The following SLC9A9 variants were observed in gnomAD, a reference collection of about 807,000 sequenced individuals.
SLC9A9 encodes the protein solute carrier family 9 member A9.
SLC9A9 carries 62 observed loss-of-function variants against 77.8 expected under a neutral mutation model. That is an observed-to-expected ratio of 0.80 (90% CI 0.65 to 0.98). The LOEUF is 0.98. Among genes scored for constraint, SLC9A9 ranks in the 50% least tolerant of loss-of-function variants. The pLI is 0.00. For missense variants in SLC9A9, 775 were observed against 774.9 expected (o/e 1.00, Z 0.00); for synonymous variants, 320 against 283.5 (o/e 1.13, Z -1.29).
At chr3:143,762,965 G>A (rs1469131394) in intron 4 of SLC9A9, among the ~76,000 whole-genome samples, 5 of 152,164 alleles carry the variant, frequency 3.3e-5, no homozygotes, top group Non-Finnish European at 5.9e-5. Flanking sequence ...ATTGGGAGGG[G>A]AACTTCTGGT....
chr3:143,367,368 T>G (rs1159552095), intron 13 of SLC9A9, among the ~76,000 whole-genome samples: 1 of 152,170 alleles, frequency 6.6e-6, no homozygotes, highest in Non-Finnish European at 1.5e-5. Flanking sequence ...GTGGGGAAAA[T>G]ACCACTGATG....
intron 2 of SLC9A9, among the ~76,000 whole-genome samples, chr3:143,797,816 C>A (rs2008430173): frequency 6.6e-6 from 1 of 152,064 alleles, no homozygotes; most frequent in African/African-American, 2.4e-5. Context: ...TATAAAATGT[C>A]CCCACCCATA....
chr3:143,749,830 T>C lies in SLC9A9; in HGVS notation c.533+45171A>G, dbSNP rs115965963. On this transcript the variant is annotated intron_variant, in intron 4 of 15. Transcript: ENST00000316549. ...GGAAATCTTTGTACACACTGAAGTT[T>C]GAGAACTGCGGGCTAGACTAAAATC... Among the ~76,000 whole-genome samples, 1,100 of 152,310 alleles carry C rather than the reference T, an allele frequency of 7.2e-3. 8 individuals are homozygous for C. The highest frequency in any genetic ancestry group is 0.025 in the African/African-American group (1,033 of 41,566).
At chr3:143,818,414 C>A (rs1363421529) in intron 2 of SLC9A9, among the ~76,000 whole-genome samples, 3 of 152,060 alleles carry the variant, frequency 2.0e-5, no homozygotes, top group African/African-American at 7.2e-5. Context: ...TCAAATTATT[C>A]TCTTACCTCA....
chr3:143,708,325 G>A (rs1193407743), intron 4 of SLC9A9, among the ~76,000 whole-genome samples: 1 of 152,134 alleles, frequency 6.6e-6, no homozygotes, highest in Non-Finnish European at 1.5e-5. Context: ...AGAAGAATGA[G>A]AGGAGCAATG....
At chr3:143,637,355 A>C (rs1225672663) in intron 6 of SLC9A9, among the ~76,000 whole-genome samples, 2 of 152,238 alleles carry the variant, frequency 1.3e-5, no homozygotes, top group Non-Finnish European at 2.9e-5. Context: ...GAAAGCTTTA[A>C]CAATAGATTA....
At chr3:143,289,025 T>C (rs952547206) in intron 14 of SLC9A9, among the ~76,000 whole-genome samples, 1 of 152,202 alleles carries the variant, frequency 6.6e-6, no homozygotes, top group Admixed American at 6.5e-5. Flanking sequence ...CTTAGGGAGC[T>C]TGTGAATGAC....
intron 12 of SLC9A9, among the ~76,000 whole-genome samples, chr3:143,414,124 C>T (rs1269751848): frequency 6.6e-6 from 1 of 152,086 alleles, no homozygotes; most frequent in Non-Finnish European, 1.5e-5. Context: ...AATTGCATTT[C>T]AATTCCTCTT....
At chr3:143,757,799 CTCTT>C (rs1369092699) in intron 4 of SLC9A9, among the ~76,000 whole-genome samples, 2 of 152,022 alleles carry the variant, frequency 1.3e-5, no homozygotes, top group African/African-American at 2.4e-5. Context: ...TATTACCTGA[CTCTT>C]TCCTTTGTCT....
intron 4 of SLC9A9, among the ~76,000 whole-genome samples, chr3:143,767,390 G>GTGTT (rs2007358878): frequency 6.6e-6 from 1 of 151,674 alleles, no homozygotes; most frequent in Non-Finnish European, 1.5e-5. Context: ...GTGTGTGTGT[G>GTGTT]TGTGTGTGTG....
chr3:143,814,837 G>A (rs1299383070), intron 2 of SLC9A9, among the ~76,000 whole-genome samples: 1 of 152,122 alleles, frequency 6.6e-6, no homozygotes, highest in African/African-American at 2.4e-5. Context: ...TCATAATTAG[G>A]AAGTGGTTTT....
chr3:143,349,154 T>C (rs2032382918), intron 14 of SLC9A9, among the ~76,000 whole-genome samples: 1 of 152,222 alleles, frequency 6.6e-6, no homozygotes, highest in Non-Finnish European at 1.5e-5. Flanking sequence ...AGCAGTCCCA[T>C]CTTTGCCTGT....
At chr3:143,481,597 C>A (rs1023406999) in intron 11 of SLC9A9, among the ~76,000 whole-genome samples, 3 of 152,138 alleles carry the variant, frequency 2.0e-5, no homozygotes, top group Non-Finnish European at 4.4e-5. Context: ...AGAAGAAAAA[C>A]CATGAATTGA....
chr3:143,633,458 T>C (rs1481707358), intron 6 of SLC9A9, among the ~76,000 whole-genome samples: 1 of 152,026 alleles, frequency 6.6e-6, no homozygotes, highest in Non-Finnish European at 1.5e-5. Context: ...GTCTTAGAGG[T>C]TTTTTCAGGC....
intron 4 of SLC9A9, among the ~76,000 whole-genome samples, chr3:143,777,408 A>G (rs2007726413): frequency 6.6e-6 from 1 of 152,206 alleles, no homozygotes; most frequent in Non-Finnish European, 1.5e-5. Flanking sequence ...AGAGAAAAAA[A>G]TGCCATTCCT....
At chr3:143,324,530 A>G (rs933799596) in intron 14 of SLC9A9, among the ~76,000 whole-genome samples, 13 of 152,228 alleles carry the variant, frequency 8.5e-5, no homozygotes, top group African/African-American at 3.1e-4. Flanking sequence ...CTCAGTAAAT[A>G]GTAGCTGCTG....
chr3:143,345,285 C>A (rs776889086), intron 14 of SLC9A9, among the ~76,000 whole-genome samples: 9 of 152,064 alleles, frequency 5.9e-5, no homozygotes, highest in African/African-American at 1.9e-4. Context: ...TTGGATAGAA[C>A]CTTTATTAAT....
At chr3:143,738,981 T>G (rs955807131) in intron 4 of SLC9A9, among the ~76,000 whole-genome samples, 2 of 152,150 alleles carry the variant, frequency 1.3e-5, no homozygotes, top group African/African-American at 4.8e-5. Flanking sequence ...GGAGTTTTTA[T>G]GGAGTCTCCA....
intron 2 of SLC9A9, among the ~76,000 whole-genome samples, chr3:143,814,926 A>C (rs1272135479): frequency 6.6e-6 from 1 of 152,158 alleles, no homozygotes; most frequent in Non-Finnish European, 1.5e-5. Context: ...AGGTAGGAAC[A>C]GTGGGCTCTG....
Sources: gnomAD v4.1 joint callset for allele counts (sites outside exome capture counted in the v4.1 genomes callset) on GRCh38, gnomAD v4.1.1 for gene constraint, MANE v1.5 for transcripts, NCBI Gene and HGNC (gene_info 2026-07-23, HGNC 2026-07-21) for gene names.